The following ZNF236 variants were observed in gnomAD, a reference collection of about 807,000 sequenced individuals.
ZNF236 encodes the protein regulated by glucose.
A neutral mutation model predicts 191.2 loss-of-function variants in ZNF236; 50 were observed. That is an observed-to-expected ratio of 0.26 (90% confidence interval 0.21 to 0.33). The LOEUF (loss-of-function observed/expected upper bound fraction) is 0.33. Ranked by LOEUF, ZNF236 falls within the 10% of genes least tolerant of loss-of-function variation. The pLI is 1.00. For synonymous variants in ZNF236, 907 were observed against 928.8 expected, an observed-to-expected ratio of 0.98 and a Z score of 0.43; for missense variants, 1,754 against 2,374.5, an observed-to-expected ratio of 0.74 and a Z score of 5.43.
chr18:76,899,186 A>G lies in ZNF236; in HGVS notation c.1858A>G (p.Ile620Val). The change falls in exon 11 of 31, where the codon ATT becomes GTT. Residue 620 changes from isoleucine (I) to valine (V), a missense_variant. By Grantham distance (29) the Ile-to-Val change is conservative. Around this residue, in one of 5 missense-constraint regions of ZNF236, gnomAD observed 641 missense variants for 869.6 expected, o/e 0.74. Coordinates refer to ENST00000320610, the MANE Select transcript of ZNF236 (RefSeq NM_001306089.2). The part of the protein sequence containing the change: ...VGKTNIPVPD[I>V]PLQEPILITD... The stretch of plus-strand genomic sequence containing the variant: ...CAAGACGAATATTCCAGTCCCTGAT[A>G]TTCCTTTGCAGGAACCAATCCTCAT... 6.2e-7 allele frequency: 1 copy of G among 1,614,140 alleles called. No individual in the cohort carries two copies. The highest frequency in any genetic ancestry group is 8.5e-7 in the Non-Finnish European group (1 of 1,179,988).
At chr18:76,965,870 G>A (rs552444888) in intron 30 of ZNF236, among the ~76,000 whole-genome samples, 97 of 152,322 alleles carry the variant, frequency 6.4e-4, no homozygotes, top group Admixed American at 1.4e-3. Flanking sequence ...GCCTCCTGCC[G>A]GGAGGTGGTG....
chr18:76,924,909 C>T (rs1239515879), intron 21 of ZNF236, among the ~76,000 whole-genome samples: 2 of 152,182 alleles, frequency 1.3e-5, no homozygotes, highest in African/African-American at 2.4e-5. Flanking sequence ...TCAACTACTC[C>T]AATCAAGGTT....
chr18:76,892,380 A>G (rs1301021010), intron 9 of ZNF236, among the ~76,000 whole-genome samples: 2 of 151,576 alleles, frequency 1.3e-5, no homozygotes, highest in South Asian at 4.1e-4. Flanking sequence ...AATTAATGGC[A>G]GTGATAGTGG....
At chr18:76,910,928 G>T in intron 16 of ZNF236, 117 bp downstream of exon 16, 1 of 1,132,260 alleles carries the variant, frequency 8.8e-7, no homozygotes. Context: ...CTCACTTCTT[G>T]TAGCATTAAG....
At chr18:76,964,576 C>T (rs1157554090) in intron 30 of ZNF236, among the ~76,000 whole-genome samples, 2 of 152,118 alleles carry the variant, frequency 1.3e-5, no homozygotes, top group African/African-American at 4.8e-5. Context: ...CTATTAAGTC[C>T]TTTTGTTCCA....
At chr18:76,857,835 G>A (rs1056211046) in intron 3 of ZNF236, among the ~76,000 whole-genome samples, 1 of 152,090 alleles carries the variant, frequency 6.6e-6, no homozygotes, top group Admixed American at 6.5e-5. Flanking sequence ...ATTATAGGCT[G>A]GTATTTTTAT....
intron 3 of ZNF236, among the ~76,000 whole-genome samples, chr18:76,866,902 G>C (rs777345196): frequency 8.1e-4 from 124 of 152,312 alleles, no homozygotes; most frequent in Non-Finnish European, 1.5e-3. Context: ...CCGTCTGTAA[G>C]CTGGCAGGTC....
chr18:76,856,922 T>C (rs1741746573), intron 3 of ZNF236, among the ~76,000 whole-genome samples: 1 of 152,212 alleles, frequency 6.6e-6, no homozygotes, highest in Non-Finnish European at 1.5e-5. Flanking sequence ...TCCACACGTC[T>C]GGAACATCCC....
intron 26 of ZNF236, among the ~76,000 whole-genome samples, chr18:76,942,901 A>C (rs1285044836): frequency 1.3e-5 from 2 of 148,666 alleles, no homozygotes; most frequent in African/African-American, 4.9e-5. Flanking sequence ...AGGCGGGCGG[A>C]TCACGAGGTC....
chr18:76,909,318 CAAAAA>C (rs34878586), intron 14 of ZNF236, among the ~76,000 whole-genome samples: 1 of 119,466 alleles, frequency 8.4e-6, no homozygotes, highest in Non-Finnish European at 1.7e-5. Context: ...GACTCTGTCT[CAAAAA>C]AAAAAAAAAA....
intron 3 of ZNF236, among the ~76,000 whole-genome samples, chr18:76,864,316 C>T (rs1976336528): frequency 6.6e-6 from 1 of 151,628 alleles, no homozygotes; most frequent in Non-Finnish European, 1.5e-5. Flanking sequence ...TCTTCTGCCT[C>T]AGCCTCCAGA....
Position 76,895,075 on chromosome 18 carries a change from C to G in ZNF236, c.1480C>G (p.Arg494Gly). 1 of 1,611,798 alleles carries G rather than the reference C, an allele frequency of 6.2e-7. No homozygotes were observed. Among genetic ancestry groups the G allele is most frequent in the Non-Finnish European group, 8.5e-7 (1 of 1,179,990 alleles). Residue 494 changes from arginine (R) to glycine (G), a missense_variant, in exon 10 of 31, where the codon CGC (arginine) becomes GGC (glycine). Coordinates refer to ENST00000320610, the MANE Select transcript of ZNF236 (RefSeq NM_001306089.2). Reference protein sequence around the residue: ...HVCPYCAKEFRKPSDLVRHIR... With the variant: ...HVCPYCAKEFGKPSDLVRHIR... ...GTGTCCCTACTGCGCCAAGGAGTTC[C>G]GCAAGCCCAGCGACCTGGTCCGCCA...
At chr18:76,942,598 G>A (rs1315768239) in intron 26 of ZNF236, among the ~76,000 whole-genome samples, 1 of 151,432 alleles carries the variant, frequency 6.6e-6, no homozygotes, top group Non-Finnish European at 1.5e-5. Flanking sequence ...TGCAAGCTCC[G>A]CTTCCCGGGT....
rs570526737 is a variant in ZNF236, at chr18:76,937,400, C to G, written c.4782+57C>G. On this transcript the variant is annotated intron_variant, in intron 26 of 30. Transcript: ENST00000320610. Reference sequence around the variant, plus strand: ...CCTTTCAAAAAGTGATCTTTGAAAACATTATTCATTGACTCCTTCCTAAAT... The same window carrying G: ...CCTTTCAAAAAGTGATCTTTGAAAAGATTATTCATTGACTCCTTCCTAAAT... 8.5e-6 allele frequency: 12 copies of G among 1,414,536 alleles called. No homozygotes were observed. The South Asian group carries it at 1.7e-4, about 20-fold the overall frequency. 87.6% of individuals were successfully genotyped at this position (1,414,536 alleles called of 1,614,324 possible).
At chr18:76,909,925 T>C in intron 14 of ZNF236, 143 bp from the exon 15 acceptor site, 5 of 587,952 alleles carry the variant, frequency 8.5e-6, no homozygotes, top group Non-Finnish European at 1.2e-5. Flanking sequence ...AGCATATGTA[T>C]GTATTAAATT....
At chr18:76,943,606 G>A (rs971013541) in intron 26 of ZNF236, among the ~76,000 whole-genome samples, 7 of 152,146 alleles carry the variant, frequency 4.6e-5, no homozygotes, top group African/African-American at 1.7e-4. Flanking sequence ...TTTGTATTTA[G>A]GTATATAAAT....
At chr18:76,842,707 C>T (rs930914652) in intron 1 of ZNF236, among the ~76,000 whole-genome samples, 9 of 151,386 alleles carry the variant, frequency 5.9e-5, no homozygotes, top group African/African-American at 1.7e-4. Flanking sequence ...GCAGAGATCG[C>T]GCCATCGCAC....
intron 1 of ZNF236, among the ~76,000 whole-genome samples, chr18:76,825,409 AGTT>A (rs1311772639): frequency 6.6e-6 from 1 of 151,914 alleles, no homozygotes; most frequent in Non-Finnish European, 1.5e-5. Flanking sequence ...GTACAAAAGC[AGTT>A]GTTGGCACAA....
In ZNF236 at chr18:76,870,373, T is replaced by C. The variant is rs28433330; in HGVS notation, c.543-1328T>C. On this transcript the variant is annotated intron_variant, in intron 4 of 30. Transcript: ENST00000320610. Reference sequence around the variant, plus strand: ...TATACACTCCAGATTTTTATTCTCATGAGGCTTTAATGCAGGCATTTTTGA... The same window carrying C: ...TATACACTCCAGATTTTTATTCTCACGAGGCTTTAATGCAGGCATTTTTGA... Among the ~76,000 whole-genome samples, 534 of 152,326 alleles carry C rather than the reference T, an allele frequency of 3.5e-3. 1 individual carries two copies. The highest frequency in any genetic ancestry group is 0.012 in the African/African-American group (494 of 41,580).
Sources: allele counts gnomAD v4.1 joint callset (sites outside exome capture counted in the v4.1 genomes callset), GRCh38; gene constraint gnomAD v4.1.1; regional missense constraint gnomAD v4.1.1; transcripts MANE v1.5; gene names NCBI Gene and HGNC (gene_info 2026-07-23, HGNC 2026-07-21).